The following SLC17A6 variants were observed in gnomAD, a reference collection of about 807,000 sequenced individuals.
SLC17A6 encodes the protein vesicular glutamate transporter 2.
Under a neutral mutation model 67.1 loss-of-function variants are expected in SLC17A6, and 35 were observed. The observed-to-expected ratio is 0.52, with a 90% CI of 0.40 to 0.69. SLC17A6 has a LOEUF of 0.69. SLC17A6 is among the 30% of genes least tolerant of loss of function. The pLI is 0.00. For synonymous variants in SLC17A6, 285 were observed against 252.3 expected, an observed-to-expected ratio of 1.13 and a Z score of -1.23; for missense variants, 588 against 723.9, an observed-to-expected ratio of 0.81 and a Z score of 2.15.
intron 11 of SLC17A6, 43 bp from the exon 12 acceptor site, chr11:22,377,362 C>G: frequency 6.6e-7 from 1 of 1,517,592 alleles, no homozygotes; most frequent in Non-Finnish European, 8.9e-7. Flanking sequence ...GCGTTTAAAT[C>G]ATGGGGAGTC....
intron 11 of SLC17A6, 106 bp from the exon 12 acceptor site, chr11:22,377,299 A>G: frequency 9.9e-7 from 1 of 1,014,512 alleles, no homozygotes; most frequent in Non-Finnish European, 1.4e-6. Context: ...GATTTTTCCC[A>G]AATATAGTGT....
chr11:22,375,903 T>C (rs1856227394), intron 9 of SLC17A6, 79 bp from the exon 10 acceptor site: 1 of 858,426 alleles, frequency 1.2e-6, no homozygotes, highest in South Asian at 1.8e-5. Context: ...GTCAATAAGT[T>C]GGAACATTTT....
Position 22,365,698 on chromosome 11 carries a change from T to C in SLC17A6, c.891+9T>C, listed in dbSNP as rs201540744. ...TTTTAGGTGCAATGGAAGTAAGAAATTTATTATGGTGTATATTCCTATCTT... is the reference window on the plus strand; with the variant it reads ...TTTTAGGTGCAATGGAAGTAAGAAACTTATTATGGTGTATATTCCTATCTT... On this transcript the variant is annotated intron_variant, in intron 7 of 11. Transcript: ENST00000263160. 85 of 1,612,138 alleles carry C rather than the reference T, an allele frequency of 5.3e-5. No homozygotes were observed. In the East Asian group the frequency reaches 1.7e-3, roughly 33 times the overall value.
chr11:22,341,446 G>C, intron 1 of SLC17A6, 82 bp from the exon 2 acceptor site: 1 of 1,544,868 alleles, frequency 6.5e-7, no homozygotes, highest in South Asian at 1.2e-5. Context: ...CAACCCCGAC[G>C]GGTCCTGAAA....
intron 3 of SLC17A6, 90 bp downstream of exon 3, chr11:22,343,455 A>G: frequency 9.2e-7 from 1 of 1,090,524 alleles, no homozygotes; most frequent in Non-Finnish European, 1.3e-6. Context: ...AACAGCCCAG[A>G]GGGGTTTGAG....
chr11:22,363,377 G>GTAA (rs1356216667), intron 6 of SLC17A6, among the ~76,000 whole-genome samples: 2 of 152,154 alleles, frequency 1.3e-5, no homozygotes, highest in African/African-American at 4.8e-5. Context: ...AATAAAATAT[G>GTAA]TAATCCTAAG....
At chr11:22,341,011 G>C (rs190454540) in intron 1 of SLC17A6, among the ~76,000 whole-genome samples, 12 of 152,322 alleles carry the variant, frequency 7.9e-5, no homozygotes, top group African/African-American at 2.6e-4. Context: ...AACGGAAAAG[G>C]CAGCGCGGGT....
chr11:22,361,401 A>G (rs1340991360), intron 5 of SLC17A6: 1 of 152,492 alleles, frequency 6.6e-6, no homozygotes, highest in Non-Finnish European at 1.5e-5. Flanking sequence ...TAAATATTAA[A>G]TTTACTTTGA....
chr11:22,340,718 C>T (rs577282303), intron 1 of SLC17A6, among the ~76,000 whole-genome samples: 21 of 151,878 alleles, frequency 1.4e-4, no homozygotes, highest in African/African-American at 4.8e-4. Flanking sequence ...GCTTAGGTGT[C>T]GGCCATATGC....
At chr11:22,357,085 T>C (rs1274307671) in intron 3 of SLC17A6, among the ~76,000 whole-genome samples, 2 of 152,218 alleles carry the variant, frequency 1.3e-5, no homozygotes, top group African/African-American at 2.4e-5. Context: ...GCAAAACTCA[T>C]TGGGTTTTAA....
rs561896309 is a variant in SLC17A6, at chr11:22,359,710, C to T, written c.573+183C>T. Among the ~76,000 whole-genome samples the T allele has an allele frequency of 2.6e-5, 4 of 152,096 alleles. No homozygotes were observed. In the South Asian group the frequency reaches 8.3e-4, roughly 32 times the overall value. On this transcript the variant is annotated intron_variant, in intron 4 of 11. Coordinates refer to ENST00000263160, the MANE Select transcript of SLC17A6 (RefSeq NM_020346.3). ...TATTTTGTCCATAAATGATATGAAA[C>T]CATGAATATCACTGCTTATCTCCTT...
chr11:22,359,549 C>A (rs756738195), intron 4 of SLC17A6, 22 bp downstream of exon 4: 1 of 1,475,856 alleles, frequency 6.8e-7, no homozygotes. Flanking sequence ...CAGGGTGAAG[C>A]CTTTTTAAGA....
At position 22,339,183 on chromosome 11, in the gene SLC17A6, A is replaced by ATATATATATGTTT; in HGVS notation, c.86+573_86+574insGTTTTATATATAT. Among the ~76,000 whole-genome samples the ATATATATATGTTT allele has an allele frequency of 8.6e-5, 2 of 23,198 alleles. 1 individual carries two copies. The highest frequency in any genetic ancestry group is 4.8e-4 in the African/African-American group (2 of 4,190). The allele number at this position is 23,198 out of a possible 152,430, so 15.2% of individuals were successfully genotyped here. The stretch of plus-strand genomic sequence containing the variant: ...TATATATGTTATATATATATGTTTT[A>ATATATATATGTTT]TATATATATATATATATATATGTTA... On this transcript the variant is annotated intron_variant, in intron 1 of 11. Transcript: ENST00000263160.
intron 8 of SLC17A6, among the ~76,000 whole-genome samples, chr11:22,373,914 A>G (rs1205952979): frequency 6.6e-6 from 1 of 152,226 alleles, no homozygotes; most frequent in African/African-American, 2.4e-5. Context: ...GGAAAGACAT[A>G]CTTAAACACA....
intron 9 of SLC17A6, 41 bp from the exon 10 acceptor site, chr11:22,375,941 T>C: frequency 6.6e-7 from 1 of 1,508,832 alleles, no homozygotes; most frequent in Non-Finnish European, 9.1e-7. Context: ...TGGTAAAATT[T>C]CAAAAATTTC....
At position 22,377,422 on chromosome 11, in the gene SLC17A6, G is replaced by C; in HGVS notation, c.1431G>C (p.Gln477His). The C allele has an allele frequency of 6.2e-7, 1 of 1,609,444 alleles. No homozygotes were observed. Among genetic ancestry groups the C allele is most frequent in the Non-Finnish European group, 8.5e-7 (1 of 1,176,514 alleles). ...MTKNKSREEW[Q>H]YVFLIAALVH... ...CACTGCAGTCACGTGAAGAGTGGCAGTATGTCTTCCTGATCGCTGCCCTAG... is the reference window on the plus strand; with the variant it reads ...CACTGCAGTCACGTGAAGAGTGGCACTATGTCTTCCTGATCGCTGCCCTAG... The change falls in exon 12 of 12, where the codon CAG (glutamine) becomes CAC (histidine). Residue 477 changes from glutamine (Q) to histidine (H), a missense_variant. Physicochemically the swap from Gln to His is conservative, Grantham distance 24. Coordinates refer to ENST00000263160, the MANE Select transcript of SLC17A6 (RefSeq NM_020346.3).
chr11:22,370,401 C>T (rs753800525), intron 8 of SLC17A6, among the ~76,000 whole-genome samples: 1 of 152,102 alleles, frequency 6.6e-6, no homozygotes, highest in East Asian at 1.9e-4. Flanking sequence ...ACTGAGAATA[C>T]AGGCAAAACA....
rs972543341 is a variant in SLC17A6 at position 22,364,951 on chromosome 11, T to C, written c.749-596T>C. 8.5e-5 allele frequency among the ~76,000 whole-genome samples: 13 copies of C among 152,284 alleles called. 1 individual carries two copies. The Middle Eastern group carries it at 0.02, about 239-fold the overall frequency. The stretch of plus-strand genomic sequence containing the variant: ...ACTATGTGCTGAAAATAATATGGTA[T>C]ACAGTCACGTAAAGTGTTGTTACCA... On this transcript the variant is annotated intron_variant, in intron 6 of 11. Coordinates refer to ENST00000263160, the MANE Select transcript of SLC17A6 (RefSeq NM_020346.3).
chr11:22,341,803 G>A, intron 2 of SLC17A6, 23 bp downstream of exon 2: 3 of 1,611,736 alleles, frequency 1.9e-6, no homozygotes, highest in Non-Finnish European at 2.5e-6. Context: ...TGGCCGCCCT[G>A]GCTCCTGCCC....
Sources: gnomAD v4.1 joint callset for allele counts (sites outside exome capture counted in the v4.1 genomes callset) on GRCh38, gnomAD v4.1.1 for gene constraint, MANE v1.5 for transcripts, NCBI Gene and HGNC (gene_info 2026-07-23, HGNC 2026-07-21) for gene names.